CTRB2: variants seen among roughly 807,000 people sequenced by gnomAD.
The protein encoded by CTRB2 is chymotrypsinogen B2, also known as chymotrypsin B2.
In CTRB2, 9 loss-of-function variants were observed where a neutral mutation model predicts 19.3. That is an observed-to-expected ratio of 0.47 (90% CI 0.28 to 0.81). The LOEUF (loss-of-function observed/expected upper bound fraction) is 0.81, where lower values mean the gene tolerates loss of function less well. CTRB2 is among the 40% of genes least tolerant of loss of function. CTRB2 has a pLI of 0.11. For synonymous variants in CTRB2, 98 were observed against 117.3 expected (o/e 0.84, Z 1.06); for missense variants, 210 against 269.7 (o/e 0.78, Z 1.55).
At chr16:75,204,476 C>G (rs766291595) in intron 6 of CTRB2, among the ~76,000 whole-genome samples, 154 bp from the exon 7 acceptor site, 2 of 152,110 alleles carry the variant, frequency 1.3e-5, no homozygotes, top group African/African-American at 4.8e-5. Flanking sequence ...CACATGGCAG[C>G]CCCCACTCTG....
Position 75,204,838 on chromosome 16 carries a change from A to C in CTRB2, c.565T>G (p.Ser189Ala). 1 of 1,362,882 alleles carries C rather than the reference A, an allele frequency of 7.3e-7. No homozygotes were observed. 84.4% of individuals were successfully genotyped at this position (1,362,882 alleles called of 1,614,324 possible). The change falls in exon 6 of 7, where the codon TCC becomes GCC. Residue 189 changes from serine to alanine, a missense_variant. Around this residue, in one of 4 missense-constraint regions of CTRB2, gnomAD observed 27 missense variants for 42.5 expected, o/e 0.64. Transcript: ENST00000303037. ...ACGTCGGTGATCCTCCTGCCCCAGG[A>C]CTTCTTGCATTCGGCATTGGACAGG... ...PLLSNAECKKSWGRRITDVMI... is the reference protein window; with the variant it reads ...PLLSNAECKKAWGRRITDVMI...
chr16:75,206,668 AG>A, intron 1 of CTRB2: 1 of 309,974 alleles, frequency 3.2e-6, no homozygotes, highest in Admixed American at 4.8e-5. Flanking sequence ...GGAGTTTAAG[AG>A]GGTGAGGCTC....
intron 6 of CTRB2, 67 bp downstream of exon 6, chr16:75,204,706 G>C (rs1188521985): frequency 6.5e-7 from 1 of 1,540,962 alleles, no homozygotes; most frequent in Non-Finnish European, 8.8e-7. Context: ...AGCAGAGAGG[G>C]GTGGAAAGCC....
Position 75,204,107 on chromosome 16 carries a change from A to G in CTRB2, c.*54T>C. 2 of 1,610,038 alleles carry G rather than the reference A, an allele frequency of 1.2e-6. No individual in the cohort carries two copies. Among genetic ancestry groups the G allele is most frequent in the Non-Finnish European group, 1.7e-6 (2 of 1,176,454 alleles). Reference sequence around the variant, plus strand: ...CACAGGCAGTGCAGTCAGGGCTTCTAAACAGATGCATTTAATGGGAAATCT... The same window carrying G: ...CACAGGCAGTGCAGTCAGGGCTTCTGAACAGATGCATTTAATGGGAAATCT... On this transcript the variant is annotated 3_prime_UTR_variant, in exon 7 of 7. Transcript: ENST00000303037.
In CTRB2 at chr16:75,204,221, A is replaced by G; in HGVS notation, c.732T>C (p.Ala244=). 1 of 1,614,038 alleles carries G rather than the reference A, an allele frequency of 6.2e-7. No individual in the cohort carries two copies. Among genetic ancestry groups the G allele is most frequent in the Non-Finnish European group, 8.5e-7 (1 of 1,179,956 alleles). ...TGAGCTTGGCGACACGGGCGTACAC[A>G]GCGGGCGTGGTGGTAGAGCAGGTGC... The part of the protein sequence containing the change: ...GSRTCSTTTP[A]VYARVAKLIP... Residue 244 remains alanine (A), a synonymous_variant, in exon 7 of 7, where the codon GCT becomes GCC. Coordinates refer to ENST00000303037, the MANE Select transcript of CTRB2 (RefSeq NM_001025200.4).
chr16:75,204,476 C>T (rs766291595), intron 6 of CTRB2, among the ~76,000 whole-genome samples, 154 bp from the exon 7 acceptor site: 4 of 152,110 alleles, frequency 2.6e-5, no homozygotes, highest in Non-Finnish European at 5.9e-5. Context: ...CACATGGCAG[C>T]CCCCACTCTG....
At chr16:75,206,990 A>G in intron 1 of CTRB2, 100 bp downstream of exon 1, 1 of 1,165,388 alleles carries the variant, frequency 8.6e-7, no homozygotes, top group Non-Finnish European at 1.2e-6. Flanking sequence ...ACTGCGGTGC[A>G]CAGCTGAACT....
chr16:75,206,699 A>G, intron 1 of CTRB2: 1 of 357,956 alleles, frequency 2.8e-6, no homozygotes, highest in Non-Finnish European at 5.3e-6. Flanking sequence ...AAAGGTTTGG[A>G]CTGAACGGTG....
rs116642393 is a variant in CTRB2 at position 75,206,724 on chromosome 16, C to A, written c.52+366G>T. On this transcript the variant is annotated intron_variant, in intron 1 of 6. Transcript: ENST00000303037. ...ACTGAACGGTGCCAAGCCCCAGCTG[C>A]CCACACATTCACCACCCAAACCTGT... 2.5e-3 allele frequency: 937 copies of A among 370,944 alleles called. 4 individuals are homozygous for A. Among genetic ancestry groups the A allele is most frequent in the African/African-American group, 0.018 (881 of 47,734 alleles). The allele number at this position is 370,944 out of a possible 1,614,324, so 23.0% of individuals were successfully genotyped here.
chr16:75,207,016 G>T, intron 1 of CTRB2, 74 bp downstream of exon 1: 1 of 1,388,278 alleles, frequency 7.2e-7, no homozygotes, highest in African/African-American at 1.4e-5. Context: ...CTGGGACCCT[G>T]CTGCCTCTTG....
rs771506528 is a variant in CTRB2 at position 75,204,312 on chromosome 16, C to G, written c.641G>C (p.Gly214Ala). The G allele has an allele frequency of 6.2e-7, 1 of 1,613,924 alleles. No individual in the cohort carries two copies. The highest frequency in any genetic ancestry group is 1.7e-5 in the Admixed American group (1 of 60,002). ...SGVSSCMGDS[G>A]GPLVCQKDGA... ...GTCCTTCTGGCAGACCAGGGGGCCT[C>G]CAGAGTCACCCTGCAGGAAGGAGAG... The change falls in exon 7 of 7, where the codon GGA becomes GCA. Residue 214 changes from glycine to alanine, a missense_variant. Physicochemically the swap from Gly to Ala is moderately conservative, Grantham distance 60. This residue lies in a region of CTRB2 where 120 missense variants were observed against 90.8 expected (regional missense o/e 1.32). Coordinates refer to ENST00000303037, the MANE Select transcript of CTRB2 (RefSeq NM_001025200.4).
intron 6 of CTRB2, 139 bp downstream of exon 6, chr16:75,204,634 G>C: frequency 1.3e-6 from 2 of 1,489,980 alleles, no homozygotes; most frequent in South Asian, 2.5e-5. Flanking sequence ...CCTCATGGGC[G>C]GCTGTGACCC....
chr16:75,204,624 C>A, intron 6 of CTRB2, 149 bp downstream of exon 6: 1 of 1,459,344 alleles, frequency 6.9e-7, no homozygotes, highest in Non-Finnish European at 9.2e-7. Flanking sequence ...CTGGAGGAAC[C>A]CTCATGGGCG....
At chr16:75,206,432 G>C in intron 1 of CTRB2, 1 of 573,772 alleles carries the variant, frequency 1.7e-6, no homozygotes, top group East Asian at 2.9e-5. Context: ...ACCTCAGTTC[G>C]GAGAAGTCAC....
At position 75,207,125 on chromosome 16, in the gene CTRB2, A is replaced by C; in HGVS notation, c.17T>G (p.Leu6Arg). The change falls in exon 1 of 7, where the codon CTC (leucine) becomes CGC (arginine). Residue 6 changes from leucine (L) to arginine (R), a missense_variant. By Grantham distance (102) the Leu-to-Arg change is moderately radical. This residue lies in a region of CTRB2 where 57 missense variants were observed against 72.6 expected (regional missense o/e 0.79). Coordinates refer to ENST00000303037, the MANE Select transcript of CTRB2 (RefSeq NM_001025200.4). MAFLW[L>R]LSCWALLGTT... ...ACCCAGGAGGGCCCAGCAGGAGAGGAGCCAGAGGAAAGCCATGGTGCCGCT... is the reference window on the plus strand; with the variant it reads ...ACCCAGGAGGGCCCAGCAGGAGAGGCGCCAGAGGAAAGCCATGGTGCCGCT... The C allele has an allele frequency of 6.4e-7, 1 of 1,558,786 alleles. No homozygotes were observed. The highest frequency in any genetic ancestry group is 1.4e-5 in the African/African-American group (1 of 74,038).
At position 75,206,104 on chromosome 16, in the gene CTRB2, G is replaced by GC. The variant is rs1567562048; in HGVS notation, c.141dup (p.Gln48AlafsTer43). ...AACCCCCTCACCTGCAGGGACACCT[G>GC]CCAGGGCCAGGAGCCGGGGACGGCG... On this transcript the variant is annotated frameshift_variant, in exon 2 of 7. Transcript: ENST00000303037. LOFTEE classifies it high-confidence loss of function. The GC allele has an allele frequency of 1.3e-6, 2 of 1,523,820 alleles. No individual in the cohort carries two copies. The highest frequency in any genetic ancestry group is 2.4e-5 in the South Asian group (2 of 82,770). 94.4% of individuals were successfully genotyped at this position (1,523,820 alleles called of 1,614,324 possible).
chr16:75,205,712 C>T (rs1307042067), intron 4 of CTRB2, 30 bp downstream of exon 4: 2 of 582,892 alleles, frequency 3.4e-6, no homozygotes, highest in African/African-American at 2.8e-5. Flanking sequence ...TGCCCACGGC[C>T]CTGCCCTCTG....
At position 75,204,867 on chromosome 16, in the gene CTRB2, G is replaced by T. The variant is rs1217916204; in HGVS notation, c.536C>A (p.Pro179His). 6 of 1,224,900 alleles carry T rather than the reference G, an allele frequency of 4.9e-6. No homozygotes were observed. In the South Asian group the frequency reaches 6.9e-5, roughly 14 times the overall value. 75.9% of individuals were successfully genotyped at this position (1,224,900 alleles called of 1,614,324 possible). A position where few individuals can be genotyped will look rare whatever the true frequency, so the allele number is the denominator to read the frequency against. Residue 179 changes from proline to histidine, a missense_variant, in exon 6 of 7, where the codon CCC (proline) becomes CAC (histidine). Physicochemically the swap from Pro to His is moderately conservative, Grantham distance 77. Coordinates refer to ENST00000303037, the MANE Select transcript of CTRB2 (RefSeq NM_001025200.4). ...TPDKLQQAALPLLSNAECKKS... is the reference protein window; with the variant it reads ...TPDKLQQAALHLLSNAECKKS... The stretch of plus-strand genomic sequence containing the variant: ...CTTGCATTCGGCATTGGACAGGAGG[G>T]GCAGGGCTGCCTGCTGCAGCTTGTC...
In CTRB2 at chr16:75,206,978, A is replaced by AT. The variant is rs575908732; in HGVS notation, c.52+111_52+112insA. 63 of 1,050,434 alleles carry AT rather than the reference A, an allele frequency of 6.0e-5. No individual in the cohort carries two copies. The African/African-American group carries it at 7.7e-4, about 13-fold the overall frequency. The allele number at this position is 1,050,434 out of a possible 1,614,324, so 65.1% of individuals were successfully genotyped here. A position where few individuals can be genotyped will look rare whatever the true frequency, so the allele number is the denominator to read the frequency against. On this transcript the variant is annotated intron_variant, in intron 1 of 6. Coordinates refer to ENST00000303037, the MANE Select transcript of CTRB2 (RefSeq NM_001025200.4). ...TGGAGCCGGTGACTCGCCCAGGCCC[A>AT]CACTGCGGTGCACAGCTGAACTGGG... is the stretch of plus-strand genomic sequence containing the variant.
Sources: allele counts gnomAD v4.1 joint callset (sites outside exome capture counted in the v4.1 genomes callset), GRCh38; gene constraint gnomAD v4.1.1; regional missense constraint gnomAD v4.1.1; transcripts MANE v1.5; gene names NCBI Gene and HGNC (gene_info 2026-07-23, HGNC 2026-07-21).